RBMS3: variants seen among roughly 807,000 people sequenced by gnomAD.
RBMS3 encodes RNA binding motif single stranded interacting protein 3, also known as RNA-binding motif, single-stranded-interacting protein 3.
Under a neutral mutation model 66.8 loss-of-function variants are expected in RBMS3, and 27 were observed. The ratio of observed to expected loss-of-function variants is 0.40; its 90% confidence interval spans 0.30 to 0.56. The LOEUF is 0.56. RBMS3 is among the 20% of genes least tolerant of loss of function. RBMS3 has a pLI of 0.40. For synonymous variants in RBMS3, 188 were observed against 183.0 expected (o/e 1.03, Z -0.22); for missense variants, 513 against 549.5 (o/e 0.93, Z 0.66).
intron 3 of RBMS3, among the ~76,000 whole-genome samples, chr3:29,546,175 C>T (rs2045942235): frequency 6.7e-6 from 1 of 149,906 alleles, no homozygotes; most frequent in Non-Finnish European, 1.5e-5. Flanking sequence ...TATGCACATA[C>T]ACATTTATTT....
intron 3 of RBMS3, among the ~76,000 whole-genome samples, chr3:29,544,377 T>C (rs1280719154): frequency 2.9e-5 from 4 of 136,438 alleles, no homozygotes; most frequent in African/African-American, 1.4e-4. Flanking sequence ...TCTTGAGAAG[T>C]CTTACAAATT....
At chr3:29,988,864 TC>T (rs1372975922) in intron 13 of RBMS3, among the ~76,000 whole-genome samples, 1 of 152,184 alleles carries the variant, frequency 6.6e-6, no homozygotes, top group Non-Finnish European at 1.5e-5. Flanking sequence ...AGATGATCAC[TC>T]AGTGATCCAA....
intron 6 of RBMS3, among the ~76,000 whole-genome samples, chr3:29,819,921 G>A (rs2058027644): frequency 6.6e-6 from 1 of 152,064 alleles, no homozygotes; most frequent in South Asian, 2.1e-4. Context: ...GAGGCCAGGT[G>A]CAGTGGCCCA....
At chr3:29,323,685 CACACAT>C (rs1425456366) in intron 1 of RBMS3, among the ~76,000 whole-genome samples, 4 of 102,516 alleles carry the variant, frequency 3.9e-5, no homozygotes, top group Non-Finnish European at 5.9e-5. Context: ...CAGTTACACA[CACACAT>C]ACACACACAC....
At chr3:29,314,199 T>C (rs1272043804) in intron 1 of RBMS3, among the ~76,000 whole-genome samples, 1 of 151,760 alleles carries the variant, frequency 6.6e-6, no homozygotes, top group Non-Finnish European at 1.5e-5. Context: ...AATCCCATGA[T>C]ACTGTATCCT....
intron 6 of RBMS3, chr3:29,767,337 A>G (rs915607111): frequency 6.6e-6 from 1 of 151,004 alleles, no homozygotes; most frequent in Non-Finnish European, 1.5e-5. Context: ...TGCTCCTATC[A>G]GTGGAGCAAT....
chr3:29,312,324 G>A (rs1262452619), intron 1 of RBMS3, among the ~76,000 whole-genome samples: 2 of 151,724 alleles, frequency 1.3e-5, no homozygotes, highest in Non-Finnish European at 2.9e-5. Flanking sequence ...GATAATTTAT[G>A]AATGTGCTTT....
At chr3:29,330,529 T>TA in intron 1 of RBMS3, among the ~76,000 whole-genome samples, 1 of 151,948 alleles carries the variant, frequency 6.6e-6, no homozygotes, top group African/African-American at 2.4e-5. Context: ...TTATTGTCTA[T>TA]AAAAAATCCA....
At chr3:29,863,829 T>C (rs181085647) in intron 6 of RBMS3, among the ~76,000 whole-genome samples, 2 of 152,304 alleles carry the variant, frequency 1.3e-5, no homozygotes, top group East Asian at 3.9e-4. Flanking sequence ...TAGAACATTG[T>C]TATTTGGTAA....
At chr3:29,835,976 G>T (rs531885173) in intron 6 of RBMS3, among the ~76,000 whole-genome samples, 88 of 151,808 alleles carry the variant, frequency 5.8e-4, no homozygotes, top group African/African-American at 2.0e-3. Flanking sequence ...TATCATAAGA[G>T]GCTAATATAA....
intron 4 of RBMS3, among the ~76,000 whole-genome samples, chr3:29,651,394 C>T (rs2050139635): frequency 6.6e-6 from 1 of 152,104 alleles, no homozygotes; most frequent in African/African-American, 2.4e-5. Context: ...GATTATTATT[C>T]TTTGAACAAG....
At chr3:29,758,546 G>A (rs1316210878) in intron 5 of RBMS3, among the ~76,000 whole-genome samples, 2 of 152,094 alleles carry the variant, frequency 1.3e-5, no homozygotes, top group African/African-American at 4.8e-5. Context: ...CAAAATTTCT[G>A]GTTTCTACAA....
chr3:29,625,588 C>T (rs1276970562), intron 4 of RBMS3, among the ~76,000 whole-genome samples: 1 of 151,838 alleles, frequency 6.6e-6, no homozygotes, highest in Admixed American at 6.6e-5. Context: ...AACCTGGCTA[C>T]TTGGGAGGCT....
intron 4 of RBMS3, among the ~76,000 whole-genome samples, chr3:29,659,793 T>C (rs1388467465): frequency 6.6e-6 from 1 of 152,060 alleles, no homozygotes; most frequent in East Asian, 1.9e-4. Context: ...TTTAATATTT[T>C]TGAGGAACTG....
chr3:29,827,615 G>A (rs1302144527), intron 6 of RBMS3, among the ~76,000 whole-genome samples: 2 of 152,144 alleles, frequency 1.3e-5, no homozygotes, highest in Admixed American at 6.6e-5. Flanking sequence ...TACAATCAGA[G>A]ACTGTCCCTC....
At chr3:29,900,156 C>A (rs2060219608) in intron 10 of RBMS3, among the ~76,000 whole-genome samples, 1 of 151,774 alleles carries the variant, frequency 6.6e-6, no homozygotes, top group African/African-American at 2.4e-5. Flanking sequence ...TTTCCCTTCT[C>A]TTTCTGATAT....
At chr3:29,655,237 T>C (rs1033032650) in intron 4 of RBMS3, among the ~76,000 whole-genome samples, 39 of 152,168 alleles carry the variant, frequency 2.6e-4, no homozygotes, top group African/African-American at 8.7e-4. Flanking sequence ...ATTTGAATCA[T>C]GTGTGCTTTC....
chr3:29,759,741 T>C (rs888887435), intron 5 of RBMS3, among the ~76,000 whole-genome samples: 2 of 152,092 alleles, frequency 1.3e-5, no homozygotes, highest in Non-Finnish European at 2.9e-5. Context: ...TGGGTCTCAG[T>C]CTCACTTTTG....
At chr3:29,702,465 G>A (rs115429856) in intron 4 of RBMS3, among the ~76,000 whole-genome samples, 1,608 of 152,334 alleles carry the variant, frequency 0.011, 34 homozygotes, top group African/African-American at 0.037. Context: ...TGCCAGAGCT[G>A]GCAGTGGCAA....
Sources: gnomAD v4.1 joint callset for allele counts (sites outside exome capture counted in the v4.1 genomes callset) on GRCh38, gnomAD v4.1.1 for gene constraint, MANE v1.5 for transcripts, NCBI Gene and HGNC (gene_info 2026-07-23, HGNC 2026-07-21) for gene names.